The following SPAG16 variants were observed in gnomAD, a reference collection of about 807,000 sequenced individuals.
The protein encoded by SPAG16 is sperm associated antigen 16, also known as sperm-associated antigen 16 protein.
SPAG16 carries 86 observed loss-of-function variants against 80.4 expected under a neutral mutation model. The observed-to-expected ratio is 1.07, with a 90% confidence interval of 0.90 to 1.28. SPAG16 has a LOEUF of 1.28. SPAG16 is among the 50% of genes most tolerant of loss of function. The pLI is 0.00. For missense variants in SPAG16, 870 were observed against 765.3 expected (o/e 1.14, Z -1.61); for synonymous variants, 294 against 265.9 (o/e 1.11, Z -1.03).
At chr2:214,077,362 A>T (rs1292736172) in intron 13 of SPAG16, among the ~76,000 whole-genome samples, 1 of 152,208 alleles carries the variant, frequency 6.6e-6, no homozygotes, top group Non-Finnish European at 1.5e-5. Flanking sequence ...TTCTAAACAC[A>T]TGTTTAAAAA....
chr2:213,791,497 A>G (rs1260258616), intron 10 of SPAG16, among the ~76,000 whole-genome samples: 2 of 152,122 alleles, frequency 1.3e-5, no homozygotes, highest in African/African-American at 2.4e-5. Context: ...CTATTTGACA[A>G]CAGCTTAAAG....
intron 10 of SPAG16, among the ~76,000 whole-genome samples, chr2:213,586,079 C>T (rs1358376058): frequency 1.3e-5 from 2 of 152,174 alleles, no homozygotes; most frequent in Non-Finnish European, 2.9e-5. Context: ...GTACATTCAA[C>T]TTAAATTCTT....
intron 15 of SPAG16, among the ~76,000 whole-genome samples, chr2:214,371,979 C>T (rs1041241214): frequency 2.0e-5 from 3 of 152,044 alleles, no homozygotes; most frequent in Non-Finnish European, 2.9e-5. Context: ...CTGCACCCAG[C>T]CGATATGTAA....
At chr2:213,531,517 T>C (rs2076067474) in intron 10 of SPAG16, among the ~76,000 whole-genome samples, 1 of 152,068 alleles carries the variant, frequency 6.6e-6, no homozygotes, top group Non-Finnish European at 1.5e-5. Context: ...AGTTGTTTCA[T>C]GGACAGAAAC....
rs148311468 is a variant in SPAG16, at chr2:213,662,536, A to G, written c.1070+172446A>G. ...CCAGTAAATGTTAGTTGACAGTACA[A>G]TTAAAATCTTTGCAGTATCTAATAG... On this transcript the variant is annotated intron_variant, in intron 10 of 15. Transcript: ENST00000331683. 4.6e-3 allele frequency among the ~76,000 whole-genome samples: 694 copies of G among 152,294 alleles called. 8 individuals carry two copies. The highest frequency in any genetic ancestry group is 5.5e-3 in the Non-Finnish European group (377 of 68,008).
At chr2:214,055,200 A>G (rs1392334499) in intron 13 of SPAG16, among the ~76,000 whole-genome samples, 1 of 152,158 alleles carries the variant, frequency 6.6e-6, no homozygotes, top group Non-Finnish European at 1.5e-5. Flanking sequence ...TCCTCTTCTC[A>G]TACCCTACTC....
chr2:213,605,689 C>T (rs774265602), intron 10 of SPAG16, among the ~76,000 whole-genome samples: 1 of 152,038 alleles, frequency 6.6e-6, no homozygotes, highest in Non-Finnish European at 1.5e-5. Context: ...TGGGGTTTCA[C>T]TGTGTTAGCC....
intron 10 of SPAG16, among the ~76,000 whole-genome samples, chr2:213,755,044 C>G (rs937991651): frequency 1.3e-5 from 2 of 152,122 alleles, no homozygotes; most frequent in African/African-American, 4.8e-5. Flanking sequence ...TACAAAAAGG[C>G]ATAGGGATCA....
intron 10 of SPAG16, among the ~76,000 whole-genome samples, chr2:213,860,860 G>A (rs963961617): frequency 1.3e-5 from 2 of 152,114 alleles, no homozygotes; most frequent in African/African-American, 4.8e-5. Flanking sequence ...GGAAAGCTGT[G>A]AGCCAACATA....
chr2:213,893,557 C>A (rs2076872105), intron 11 of SPAG16, among the ~76,000 whole-genome samples: 1 of 151,990 alleles, frequency 6.6e-6, no homozygotes, highest in South Asian at 2.1e-4. Flanking sequence ...ACTAACACAA[C>A]AAAGAGCCAA....
At chr2:213,663,510 A>G (rs1347487570) in intron 10 of SPAG16, among the ~76,000 whole-genome samples, 2 of 152,084 alleles carry the variant, frequency 1.3e-5, no homozygotes, top group Non-Finnish European at 2.9e-5. Flanking sequence ...AAACAAGTGA[A>G]ATGGTTGCTT....
intron 10 of SPAG16, among the ~76,000 whole-genome samples, chr2:213,656,391 C>G (rs1480040642): frequency 2.6e-5 from 4 of 152,134 alleles, no homozygotes; most frequent in African/African-American, 4.8e-5. Flanking sequence ...ATGATGGTCT[C>G]GATCTCCTCC....
At chr2:213,808,669 C>T (rs1169344835) in intron 10 of SPAG16, among the ~76,000 whole-genome samples, 2 of 152,100 alleles carry the variant, frequency 1.3e-5, no homozygotes. Flanking sequence ...AAGTAGATGA[C>T]AGGATCCATG....
intron 10 of SPAG16, among the ~76,000 whole-genome samples, chr2:213,538,690 A>T (rs2076328747): frequency 6.6e-6 from 1 of 152,184 alleles, no homozygotes; most frequent in Non-Finnish European, 1.5e-5. Flanking sequence ...AATAGCTTTA[A>T]CATTGATTTA....
rs754068475 is a variant in SPAG16 at position 213,284,594 on chromosome 2, G to T, written c.111G>T (p.Ala37=). ...CGAGGGACACGGCGGACGCGGTGGCGGCTGAGGGCGCCTACTACCTGGAAC... is the reference window on the plus strand; with the variant it reads ...CGAGGGACACGGCGGACGCGGTGGCTGCTGAGGGCGCCTACTACCTGGAAC... ...GDARDTADAV[A]AEGAYYLEQV... is the part of the protein sequence containing the mutation. Residue 37 remains alanine (A), a synonymous_variant, in exon 1 of 16, where the codon GCG becomes GCT. Coordinates refer to ENST00000331683, the MANE Select transcript of SPAG16 (RefSeq NM_024532.5). 2 of 1,609,428 alleles carry T rather than the reference G, an allele frequency of 1.2e-6. No individual in the cohort carries two copies. The highest frequency in any genetic ancestry group is 1.7e-5 in the Admixed American group (1 of 59,722).
intron 11 of SPAG16, among the ~76,000 whole-genome samples, chr2:213,864,101 G>A (rs895602163): frequency 2.0e-5 from 3 of 152,024 alleles, no homozygotes; most frequent in African/African-American, 4.8e-5. Flanking sequence ...AACAAAAAAA[G>A]CTCTATTTTG....
chr2:214,040,673 T>G (rs2125089611), intron 13 of SPAG16, among the ~76,000 whole-genome samples: 1 of 152,302 alleles, frequency 6.6e-6, no homozygotes, highest in African/African-American at 2.4e-5. Context: ...TGGAGTACCT[T>G]ATTTTGTATG....
chr2:213,902,460 G>A (rs2077257325), intron 11 of SPAG16, among the ~76,000 whole-genome samples: 1 of 152,128 alleles, frequency 6.6e-6, no homozygotes, highest in African/African-American at 2.4e-5. Flanking sequence ...AATGAGGAAG[G>A]TGCCAAAGCA....
At chr2:213,506,549 A>G (rs1304943618) in intron 10 of SPAG16, among the ~76,000 whole-genome samples, 1 of 152,152 alleles carries the variant, frequency 6.6e-6, no homozygotes, top group Non-Finnish European at 1.5e-5. Context: ...GGTGATTAGA[A>G]ATCCTTCCTC....
Sources: gnomAD v4.1 joint callset for allele counts (sites outside exome capture counted in the v4.1 genomes callset) on GRCh38, gnomAD v4.1.1 for gene constraint, MANE v1.5 for transcripts, NCBI Gene and HGNC (gene_info 2026-07-23, HGNC 2026-07-21) for gene names.